ZNF704: variants seen among roughly 807,000 people sequenced by gnomAD.
The protein encoded by ZNF704 is zinc finger protein 704.
In ZNF704, 10 loss-of-function variants were observed where a neutral mutation model predicts 44.7. The ratio of observed to expected loss-of-function variants is 0.22; its 90% confidence interval spans 0.14 to 0.38. ZNF704 has a LOEUF of 0.38. Ranked by LOEUF, ZNF704 falls within the 10% of genes least tolerant of loss-of-function variation. The pLI is 1.00. For synonymous variants in ZNF704, 211 were observed against 207.6 expected (o/e 1.02, Z -0.14); for missense variants, 390 against 545.5 (o/e 0.71, Z 2.84).
At chr8:80,877,581 C>A (rs535398342), upstream of ZNF704, among the ~76,000 whole-genome samples, 1 of 152,154 alleles carries the variant, frequency 6.6e-6, no homozygotes, top group Middle Eastern at 3.2e-3. Flanking sequence ...AAACTGGGAG[C>A]GCTTGCCACT....
At chr8:80,834,143 G>A (rs769274881) in intron 1 of ZNF704, among the ~76,000 whole-genome samples, 7 of 151,968 alleles carry the variant, frequency 4.6e-5, no homozygotes, top group Non-Finnish European at 7.4e-5. Context: ...GCAGTGAGCC[G>A]TGATTGTGCC....
intron 7 of ZNF704, among the ~76,000 whole-genome samples, chr8:80,646,500 G>T (rs965203912): frequency 6.6e-6 from 1 of 151,838 alleles, no homozygotes; most frequent in African/African-American, 2.4e-5. Context: ...AATTATACAG[G>T]TAAGTAAAAA....
intron 2 of ZNF704, among the ~76,000 whole-genome samples, chr8:80,804,732 C>A (rs1586040025): frequency 6.6e-6 from 1 of 151,962 alleles, no homozygotes. Context: ...GGATACTGGG[C>A]TTAATATCTA....
intron 4 of ZNF704, among the ~76,000 whole-genome samples, chr8:80,682,197 T>C (rs1818464816): frequency 6.6e-6 from 1 of 152,228 alleles, no homozygotes; most frequent in Non-Finnish European, 1.5e-5. Flanking sequence ...TTTGTTTTCT[T>C]CTTGGAGCAG....
chr8:80,848,203 G>A (rs975362267), intron 1 of ZNF704, among the ~76,000 whole-genome samples: 3 of 152,158 alleles, frequency 2.0e-5, no homozygotes, highest in Admixed American at 6.5e-5. Context: ...TCATAGAAAT[G>A]GAAAACAGAT....
chr8:80,642,546 G>A (rs1301754268), intron 8 of ZNF704, among the ~76,000 whole-genome samples: 1 of 152,158 alleles, frequency 6.6e-6, no homozygotes, highest in Non-Finnish European at 1.5e-5. Flanking sequence ...AGAATGGTGT[G>A]CAATTTAAAA....
intron 2 of ZNF704, among the ~76,000 whole-genome samples, chr8:80,736,631 T>A (rs1015486179): frequency 6.6e-6 from 1 of 152,058 alleles, no homozygotes; most frequent in Non-Finnish European, 1.5e-5. Flanking sequence ...TTAAAAAAAA[T>A]TGGTGCCTGG....
intron 7 of ZNF704, among the ~76,000 whole-genome samples, chr8:80,651,852 A>C (rs891718948): frequency 6.6e-6 from 1 of 152,220 alleles, no homozygotes; most frequent in Non-Finnish European, 1.5e-5. Flanking sequence ...ACCCCAAATC[A>C]ACAGAATATA....
chr8:80,736,085 T>C (rs752094617), intron 2 of ZNF704, among the ~76,000 whole-genome samples: 99 of 152,356 alleles, frequency 6.5e-4, no homozygotes, highest in Non-Finnish European at 8.7e-4. Flanking sequence ...CAAACTCTTA[T>C]AGTAAAGCTT....
At chr8:80,677,298 T>C (rs1255231747) in intron 4 of ZNF704, among the ~76,000 whole-genome samples, 2 of 152,246 alleles carry the variant, frequency 1.3e-5, no homozygotes, top group Non-Finnish European at 2.9e-5. Context: ...AGATTACTGT[T>C]CGTCCTTGCA....
At chr8:80,831,165 A>T (rs1301902882) in intron 1 of ZNF704, among the ~76,000 whole-genome samples, 1 of 152,172 alleles carries the variant, frequency 6.6e-6, no homozygotes, top group Admixed American at 6.5e-5. Flanking sequence ...AAACAAAATA[A>T]AACAGAGATG....
intron 3 of ZNF704, among the ~76,000 whole-genome samples, chr8:80,688,478 G>T (rs923167744): frequency 6.6e-6 from 1 of 152,084 alleles, no homozygotes; most frequent in African/African-American, 2.4e-5. Context: ...TATAGATGAG[G>T]ACCCTGAGGC....
At chr8:80,821,838 CA>C (rs1218779892) in intron 1 of ZNF704, among the ~76,000 whole-genome samples, 1 of 151,998 alleles carries the variant, frequency 6.6e-6, no homozygotes, top group Admixed American at 6.5e-5. Flanking sequence ...CACAAACACA[CA>C]AAAAAATGCC....
At chr8:80,688,376 G>T (rs1280369785) in intron 3 of ZNF704, among the ~76,000 whole-genome samples, 1 of 152,180 alleles carries the variant, frequency 6.6e-6, no homozygotes, top group African/African-American at 2.4e-5. Flanking sequence ...CTTACATTTT[G>T]TGAGTGTTTT....
chr8:80,832,955 G>C (rs914604495), intron 1 of ZNF704, among the ~76,000 whole-genome samples: 1 of 152,170 alleles, frequency 6.6e-6, no homozygotes, highest in African/African-American at 2.4e-5. Flanking sequence ...ACCACTGTGT[G>C]GAGTGCAAAT....
rs79684244 is a variant in ZNF704, at chr8:80,855,774, A to G, written c.-22+18797T>C. ...AATTGTACCCCCATACATTTACACAAATAAAAAAATAAAAAATAAAATAAT... is the reference window on the plus strand; with the variant it reads ...AATTGTACCCCCATACATTTACACAGATAAAAAAATAAAAAATAAAATAAT... On this transcript the variant is annotated intron_variant, in intron 1 of 8. Transcript: ENST00000327835. Among the ~76,000 whole-genome samples the G allele has an allele frequency of 6.5e-3, 991 of 152,356 alleles. 11 individuals carry two copies. The highest frequency in any genetic ancestry group is 0.022 in the African/African-American group (929 of 41,578).
chr8:80,768,368 G>A (rs1807262821), intron 2 of ZNF704, among the ~76,000 whole-genome samples: 1 of 152,036 alleles, frequency 6.6e-6, no homozygotes, highest in African/African-American at 2.4e-5. Context: ...GGCTAAACTG[G>A]AAAAAATCAG....
At chr8:80,691,841 T>G (rs556836610) in intron 3 of ZNF704, among the ~76,000 whole-genome samples, 4 of 152,328 alleles carry the variant, frequency 2.6e-5, no homozygotes, top group African/African-American at 9.6e-5. Flanking sequence ...CATCTCTTCC[T>G]GTGCGTCTGT....
At chr8:80,694,678 T>TG (rs1421630315) in intron 2 of ZNF704, among the ~76,000 whole-genome samples, 26 of 152,306 alleles carry the variant, frequency 1.7e-4, no homozygotes, top group South Asian at 2.1e-4. Flanking sequence ...TCCCAATTAT[T>TG]GGGGGGCTGC....
Sources: gnomAD v4.1 joint callset for allele counts (sites outside exome capture counted in the v4.1 genomes callset) on GRCh38, gnomAD v4.1.1 for gene constraint, MANE v1.5 for transcripts, NCBI Gene and HGNC (gene_info 2026-07-23, HGNC 2026-07-21) for gene names.